PRKDC: variants seen among roughly 807,000 people sequenced by gnomAD.
PRKDC encodes the protein protein kinase, DNA-activated, catalytic subunit.
PRKDC carries 82 observed loss-of-function variants against 486.9 expected under a neutral mutation model. The ratio of observed to expected loss-of-function variants is 0.17; its 90% CI spans 0.14 to 0.20. PRKDC has a LOEUF of 0.20. Ranked by LOEUF, PRKDC falls within the 10% of genes least tolerant of loss-of-function variation. The pLI is 1.00. For missense variants in PRKDC, 4,504 were observed against 5,038.2 expected, an observed-to-expected ratio of 0.89 and a Z score of 3.21; for synonymous variants, 1,895 against 1,837.0, an observed-to-expected ratio of 1.03 and a Z score of -0.81.
At position 47,881,416 on chromosome 8, in the gene PRKDC, CT is replaced by C; in HGVS notation, c.5066del (p.Lys1689ArgfsTer55). ...LADTKLDLHL[K>X]GQAVTLLPFF... is the part of the protein sequence containing the mutation. ...AAAAAATAAATATTTCACTGTTTAC[CT>C]TTAAATGTAGATCCAGCTTTGTGTC... On this transcript the variant is annotated frameshift_variant and splice_region_variant, in exon 38 of 86. Transcript: ENST00000314191. LOFTEE classifies it high-confidence loss of function. The C allele has an allele frequency of 6.7e-7, 1 of 1,487,304 alleles. No homozygotes were observed. The highest frequency in any genetic ancestry group is 1.2e-5 in the South Asian group (1 of 84,546). The allele number at this position is 1,487,304 out of a possible 1,614,324, so 92.1% of individuals were successfully genotyped here.
intron 40 of PRKDC, among the ~76,000 whole-genome samples, chr8:47,871,963 A>G (rs1308205153): frequency 2.6e-5 from 4 of 152,236 alleles, no homozygotes; most frequent in Non-Finnish European, 5.9e-5. Flanking sequence ...AAACTCACTA[A>G]TAAGTACAAA....
intron 25 of PRKDC, among the ~76,000 whole-genome samples, chr8:47,906,854 A>G (rs911849735): frequency 3.0e-4 from 46 of 151,554 alleles, no homozygotes; most frequent in African/African-American, 1.1e-3. Flanking sequence ...CAGGGCTCAG[A>G]CTAAACAACA....
At chr8:47,950,088 A>G (rs931188989) in intron 7 of PRKDC, among the ~76,000 whole-genome samples, 1 of 151,514 alleles carries the variant, frequency 6.6e-6, no homozygotes, top group Non-Finnish European at 1.5e-5. Flanking sequence ...CCTGGCCAAC[A>G]TGGTGAAACC....
intron 25 of PRKDC, among the ~76,000 whole-genome samples, chr8:47,906,913 C>T (rs2089793592): frequency 2.0e-5 from 3 of 151,348 alleles, no homozygotes; most frequent in African/African-American, 7.2e-5. Flanking sequence ...TATTTTTTTC[C>T]CCTAATACCT....
intron 39 of PRKDC, among the ~76,000 whole-genome samples, chr8:47,879,035 G>C (rs8178117): frequency 6.6e-6 from 1 of 151,866 alleles, no homozygotes. Context: ...TCAAATAATC[G>C]CTACTCTATT....
intron 25 of PRKDC, among the ~76,000 whole-genome samples, chr8:47,909,210 G>A (rs1309492873): frequency 6.6e-6 from 1 of 152,202 alleles, no homozygotes; most frequent in Non-Finnish European, 1.5e-5. Context: ...CACACGGAGG[G>A]ACCGGTTGGA....
At chr8:47,813,817 G>A (rs1305449884) in intron 68 of PRKDC, among the ~76,000 whole-genome samples, 5 of 151,910 alleles carry the variant, frequency 3.3e-5, no homozygotes, top group Non-Finnish European at 5.9e-5. Flanking sequence ...CAGGTGATCC[G>A]CCCACCTTGG....
intron 70 of PRKDC, 116 bp from the exon 71 acceptor site, chr8:47,801,102 C>G: frequency 9.8e-7 from 1 of 1,019,728 alleles, no homozygotes; most frequent in Non-Finnish European, 1.4e-6. Flanking sequence ...GATAGGGTCT[C>G]GCTCTGTTAC....
intron 59 of PRKDC, among the ~76,000 whole-genome samples, chr8:47,832,211 G>A (rs1418859317): frequency 6.6e-6 from 1 of 152,216 alleles, no homozygotes; most frequent in Non-Finnish European, 1.5e-5. Context: ...TTTGCCTCTG[G>A]CTAACTGAAC....
At chr8:47,808,772 A>T (rs1200847011) in intron 68 of PRKDC, among the ~76,000 whole-genome samples, 1 of 152,086 alleles carries the variant, frequency 6.6e-6, no homozygotes, top group Non-Finnish European at 1.5e-5. Flanking sequence ...CATCAAGTAA[A>T]TTTCTGTTGT....
chr8:47,817,392 AC>A, intron 68 of PRKDC, 57 bp downstream of exon 68: 6 of 1,225,760 alleles, frequency 4.9e-6, no homozygotes, highest in Non-Finnish European at 7.0e-6. Context: ...TGGAAGAAAA[AC>A]CATTCCAACA....
intron 9 of PRKDC, 145 bp downstream of exon 9, chr8:47,943,708 A>G: frequency 1.3e-6 from 1 of 769,354 alleles, no homozygotes; most frequent in Admixed American, 2.9e-5. Flanking sequence ...TTACTAAGTC[A>G]CCGAAAGCCT....
chr8:47,952,924 G>T (rs1377079253), intron 7 of PRKDC, among the ~76,000 whole-genome samples: 2 of 152,190 alleles, frequency 1.3e-5, no homozygotes, highest in African/African-American at 4.8e-5. Flanking sequence ...CAGATCATTT[G>T]AGGTCAGGAG....
rs1463466390 is a variant in PRKDC at position 47,774,116 on chromosome 8, AG to A, written c.*56del. ...CAGCTCATGGAATGCTGCCAACCAA[AG>A]TATAGTAGATTCTTTAAACAATGTA... On this transcript the variant is annotated 3_prime_UTR_variant, in exon 86 of 86. Coordinates refer to ENST00000314191, the MANE Select transcript of PRKDC (RefSeq NM_006904.7). 5.4e-6 allele frequency: 8 copies of A among 1,477,850 alleles called. No homozygotes were observed. The Admixed American group carries it at 9.6e-5, about 18-fold the overall frequency. 91.5% of individuals were successfully genotyped at this position (1,477,850 alleles called of 1,614,324 possible).
chr8:47,885,386 C>T (rs182645273), intron 36 of PRKDC, among the ~76,000 whole-genome samples: 1 of 152,106 alleles, frequency 6.6e-6, no homozygotes, highest in Non-Finnish European at 1.5e-5. Context: ...TTCCTGACCT[C>T]TGATGATCCG....
At position 47,783,705 on chromosome 8, in the gene PRKDC, T is replaced by A. The variant is rs8178239; in HGVS notation, c.11175+37A>T. ...ATCATTCTCATCTGAAGAACGTTCATCAGGACAGGGACTGGGTCACACACC... is the reference window on the plus strand; with the variant it reads ...ATCATTCTCATCTGAAGAACGTTCAACAGGACAGGGACTGGGTCACACACC... On this transcript the variant is annotated intron_variant, in intron 78 of 85. Transcript: ENST00000314191. 42 of 1,607,576 alleles carry A rather than the reference T, an allele frequency of 2.6e-5. No individual in the cohort carries two copies. In the East Asian group the frequency reaches 8.9e-4, roughly 34 times the overall value.
chr8:47,935,080 A>T (rs546639566), intron 13 of PRKDC, 22 bp from the exon 14 acceptor site: 2 of 1,443,880 alleles, frequency 1.4e-6, no homozygotes, highest in African/African-American at 1.4e-5. Context: ...AAAAGAAAAC[A>T]AAAATGAAGG....
intron 75 of PRKDC, 42 bp downstream of exon 75, chr8:47,789,109 C>T: frequency 6.2e-7 from 1 of 1,611,592 alleles, no homozygotes; most frequent in Non-Finnish European, 8.5e-7. Flanking sequence ...AAGTTTTACC[C>T]AACTTATATG....
intron 33 of PRKDC, 72 bp from the exon 34 acceptor site, chr8:47,888,722 AT>A: frequency 6.8e-7 from 1 of 1,464,936 alleles, no homozygotes. Flanking sequence ...ACTGAAAAAA[AT>A]GTTTGCACTG....
Sources: allele counts gnomAD v4.1 joint callset (sites outside exome capture counted in the v4.1 genomes callset), GRCh38; gene constraint gnomAD v4.1.1; transcripts MANE v1.5; gene names NCBI Gene and HGNC (gene_info 2026-07-23, HGNC 2026-07-21).